The following ELMO1 variants were observed in gnomAD, a reference collection of about 807,000 sequenced individuals.
ELMO1 encodes engulfment and cell motility 1.
ELMO1 carries 26 observed loss-of-function variants against 98.9 expected under a neutral mutation model. The observed-to-expected ratio is 0.26, with a 90% CI of 0.19 to 0.36. ELMO1 has a LOEUF of 0.36. ELMO1 is among the 10% of genes least tolerant of loss of function. The pLI, the probability that ELMO1 is intolerant of heterozygous loss-of-function variation, is 1.00. For missense variants in ELMO1, 627 were observed against 935.2 expected (o/e 0.67, Z 4.30); for synonymous variants, 346 against 346.0 (o/e 1.00, Z 0.00).
intron 14 of ELMO1, among the ~76,000 whole-genome samples, chr7:37,124,345 G>A (rs1389376224): frequency 4.6e-5 from 7 of 152,176 alleles, no homozygotes; most frequent in Non-Finnish European, 8.8e-5. Context: ...AAGTCCAATT[G>A]TCCCTGTTTG....
chr7:37,344,018 T>C, intron 1 of ELMO1, among the ~76,000 whole-genome samples: 1 of 147,736 alleles, frequency 6.8e-6, no homozygotes, highest in East Asian at 2.0e-4. Context: ...CCACTTTCTT[T>C]ATATAAAAGG....
rs1296074569 is a variant in ELMO1 at position 36,887,746 on chromosome 7, T to C, written c.1602-74A>G. 6 of 1,347,980 alleles carry C rather than the reference T, an allele frequency of 4.5e-6. No individual in the cohort carries two copies. In the African/African-American group the frequency reaches 7.2e-5, roughly 16 times the overall value. 83.5% of individuals were successfully genotyped at this position (1,347,980 alleles called of 1,614,324 possible). A position where few individuals can be genotyped will look rare whatever the true frequency, so the allele number is the denominator to read the frequency against. On this transcript the variant is annotated intron_variant, in intron 17 of 21. Coordinates refer to ENST00000310758, the MANE Select transcript of ELMO1 (RefSeq NM_014800.11). The stretch of plus-strand genomic sequence containing the variant: ...TGTGGCTTGGTGGGCATCATGGGCA[T>C]ACGGGCAGGGGAGAACAAGTGCATC...
chr7:37,342,731 T>A lies in ELMO1; in HGVS notation c.-41A>T. Reference sequence around the variant, plus strand: ...TGTTCAAAGCCAGTGGGAATGAGGATCCTACAGCGTAAACGGCCACACGTG... The same window carrying A: ...TGTTCAAAGCCAGTGGGAATGAGGAACCTACAGCGTAAACGGCCACACGTG... On this transcript the variant is annotated 5_prime_UTR_variant, in exon 2 of 22. Coordinates refer to ENST00000310758, the MANE Select transcript of ELMO1 (RefSeq NM_014800.11). This position sits in a 1 kb window ranked among gnomAD's most constrained non-coding sequence, Gnocchi z 4.3. The A allele has an allele frequency of 6.4e-7, 1 of 1,564,754 alleles. No individual in the cohort carries two copies. The highest frequency in any genetic ancestry group is 8.7e-7 in the Non-Finnish European group (1 of 1,151,506).
At chr7:37,338,450 G>T (rs1450055585) in intron 2 of ELMO1, among the ~76,000 whole-genome samples, 1 of 152,036 alleles carries the variant, frequency 6.6e-6, no homozygotes, top group Non-Finnish European at 1.5e-5. Flanking sequence ...CACATCCACT[G>T]GTGCCTTGAT....
intron 1 of ELMO1, among the ~76,000 whole-genome samples, chr7:37,364,456 C>T (rs1801819081): frequency 6.6e-6 from 1 of 152,206 alleles, no homozygotes; most frequent in African/African-American, 2.4e-5. Flanking sequence ...TTTGCTTTCA[C>T]CTAAATACCT....
chr7:37,251,594 G>C (rs1795351790), intron 6 of ELMO1, among the ~76,000 whole-genome samples: 1 of 152,124 alleles, frequency 6.6e-6, no homozygotes, highest in African/African-American at 2.4e-5. Context: ...AATAATAAGA[G>C]CTATTTATGA....
intron 16 of ELMO1, among the ~76,000 whole-genome samples, chr7:36,995,460 A>C (rs1792139649): frequency 6.6e-6 from 1 of 151,846 alleles, no homozygotes; most frequent in South Asian, 2.1e-4. Context: ...GTGAGCCAAG[A>C]TCACGCCACT....
intron 2 of ELMO1, among the ~76,000 whole-genome samples, chr7:37,341,106 C>T (rs769970426): frequency 1.5e-4 from 22 of 144,414 alleles, no homozygotes; most frequent in Non-Finnish European, 4.6e-5. Context: ...TGGAATAAGA[C>T]CAGAGATTCT....
intron 16 of ELMO1, among the ~76,000 whole-genome samples, chr7:36,946,809 T>A (rs1787531271): frequency 6.6e-6 from 1 of 152,178 alleles, no homozygotes; most frequent in African/African-American, 2.4e-5. Context: ...TCTTCCTCGG[T>A]GAGATCATCT....
chr7:37,052,843 G>T (rs544867036), intron 15 of ELMO1, among the ~76,000 whole-genome samples: 1 of 152,324 alleles, frequency 6.6e-6, no homozygotes, highest in African/African-American at 2.4e-5. Flanking sequence ...CAAAGGCCCA[G>T]CCTCCGTTCA....
chr7:37,094,516 A>G (rs1050881812), intron 15 of ELMO1, among the ~76,000 whole-genome samples: 3 of 152,008 alleles, frequency 2.0e-5, no homozygotes, highest in Non-Finnish European at 4.4e-5. Flanking sequence ...ATGAACATTC[A>G]CCTGAGGAGG....
rs183492878 is a variant in ELMO1, at chr7:36,994,878, C to G, written c.1437+18421G>C. Among the ~76,000 whole-genome samples the G allele has an allele frequency of 1.3e-4, 20 of 152,334 alleles. No individual in the cohort carries two copies. The East Asian group carries it at 2.5e-3, about 19-fold the overall frequency. ...CAACTTCAGGCTAAGATGCTGGGCA[C>G]TAGCTGGGCTGGCAAAGCTGGCCCA... On this transcript the variant is annotated intron_variant, in intron 16 of 21. Transcript: ENST00000310758.
At chr7:37,200,934 C>T (rs984676855) in intron 13 of ELMO1, among the ~76,000 whole-genome samples, 9 of 147,812 alleles carry the variant, frequency 6.1e-5, no homozygotes, top group African/African-American at 2.3e-4. Context: ...CAAAGTGAGA[C>T]TCTGTCTCAA....
intron 13 of ELMO1, among the ~76,000 whole-genome samples, chr7:37,167,917 A>T (rs568880950): frequency 6.6e-6 from 1 of 152,026 alleles, no homozygotes; most frequent in African/African-American, 2.4e-5. Context: ...TCTCCTGGAT[A>T]ATATCCTGTA....
At chr7:37,114,103 A>T (rs1266274009) in intron 14 of ELMO1, among the ~76,000 whole-genome samples, 1 of 152,254 alleles carries the variant, frequency 6.6e-6, no homozygotes, top group Non-Finnish European at 1.5e-5. Flanking sequence ...CTGTGGCAAA[A>T]GTGCTGAACG....
chr7:37,114,738 GAAAAGAAGTA>G (rs2129280368), intron 14 of ELMO1, among the ~76,000 whole-genome samples: 1 of 151,556 alleles, frequency 6.6e-6, no homozygotes, highest in African/African-American at 2.4e-5. Flanking sequence ...GTAAGCTGAA[GAAAAGAAGTA>G]AAAAAAAATA....
chr7:37,401,656 A>T (rs1422323175), intron 1 of ELMO1, among the ~76,000 whole-genome samples: 1 of 152,194 alleles, frequency 6.6e-6, no homozygotes, highest in Non-Finnish European at 1.5e-5. Flanking sequence ...AAAGCAGGGG[A>T]GAATCCCTTA....
intron 16 of ELMO1, among the ~76,000 whole-genome samples, chr7:36,908,885 GT>G (rs1170630280): frequency 2.0e-5 from 3 of 152,178 alleles, no homozygotes; most frequent in Non-Finnish European, 4.4e-5. Context: ...TTTCCTGGGT[GT>G]TTACTAAGCA....
At chr7:37,346,986 A>T (rs1801038977) in intron 1 of ELMO1, among the ~76,000 whole-genome samples, 1 of 152,206 alleles carries the variant, frequency 6.6e-6, no homozygotes, top group African/African-American at 2.4e-5. Flanking sequence ...TGAGAGAGCA[A>T]AGGAGCAAGG....
Sources: allele counts gnomAD v4.1 joint callset (sites outside exome capture counted in the v4.1 genomes callset), GRCh38; gene constraint gnomAD v4.1.1; non-coding constraint Gnocchi (gnomAD v3.1); transcripts MANE v1.5; gene names NCBI Gene and HGNC (gene_info 2026-07-23, HGNC 2026-07-21).